CTDSPL: variants seen among roughly 807,000 people sequenced by gnomAD.
The protein encoded by CTDSPL is CTD small phosphatase like.
A neutral mutation model predicts 30.5 loss-of-function variants in CTDSPL; 8 were observed. The ratio of observed to expected loss-of-function variants is 0.26; its 90% CI spans 0.15 to 0.47. The LOEUF (loss-of-function observed/expected upper bound fraction) is 0.47. CTDSPL is among the 20% of genes least tolerant of loss of function. The pLI, the probability that CTDSPL is intolerant of heterozygous loss-of-function variation, is 0.99. For synonymous variants in CTDSPL, 110 were observed against 137.9 expected (o/e 0.80, Z 1.42); for missense variants, 248 against 366.1 (o/e 0.68, Z 2.63).
At chr3:37,978,471 C>T (rs974699690) in intron 7 of CTDSPL, among the ~76,000 whole-genome samples, 5 of 152,126 alleles carry the variant, frequency 3.3e-5, no homozygotes, top group African/African-American at 1.2e-4. Flanking sequence ...TTATGTACAG[C>T]TTATACACAT....
chr3:37,975,248 G>A lies in CTDSPL; in HGVS notation c.520-461G>A, dbSNP rs557020633. 1.3e-5 allele frequency among the ~76,000 whole-genome samples: 2 copies of A among 152,322 alleles called. No individual in the cohort carries two copies. Among genetic ancestry groups the A allele is most frequent in the African/African-American group, 2.4e-5 (1 of 41,566 alleles). On this transcript the variant is annotated intron_variant, in intron 6 of 7. Coordinates refer to ENST00000273179, the MANE Select transcript of CTDSPL (RefSeq NM_001008392.2). This position sits in a 1 kb window ranked among gnomAD's most constrained non-coding sequence, Gnocchi z 4.9. ...CATGTGGGACGCAGCAGTGAGGAAC[G>A]TGGGCCTTACTCCAAGTGCGGTGTG...
intron 1 of CTDSPL, among the ~76,000 whole-genome samples, chr3:37,918,888 C>T (rs934167664): frequency 6.6e-6 from 1 of 152,036 alleles, no homozygotes; most frequent in Non-Finnish European, 1.5e-5. Flanking sequence ...ACAGGCCCTG[C>T]AGCATAAGAA....
intron 3 of CTDSPL, among the ~76,000 whole-genome samples, chr3:37,961,504 T>C (rs1699244713): frequency 6.6e-6 from 1 of 152,040 alleles, no homozygotes; most frequent in Non-Finnish European, 1.5e-5. Flanking sequence ...CTCACAAACA[T>C]GAGGCTGGCA....
chr3:37,934,884 C>T (rs1047585448), intron 1 of CTDSPL, among the ~76,000 whole-genome samples: 51 of 152,286 alleles, frequency 3.3e-4, no homozygotes, highest in African/African-American at 8.4e-4. Context: ...TTTATACCAA[C>T]GTGTTTCTAG....
chr3:37,862,296 C>A lies in CTDSPL; in HGVS notation c.79+18C>A. 1 of 1,480,002 alleles carries A rather than the reference C, an allele frequency of 6.8e-7. No homozygotes were observed. Among genetic ancestry groups the A allele is most frequent in the South Asian group, 1.3e-5 (1 of 77,374 alleles). 91.7% of individuals were successfully genotyped at this position (1,480,002 alleles called of 1,614,324 possible). ...CGAGAAAGGTGAGGAGGGGCGCAGGCGGCCGCGGGCTGGGGGCGAGCGCAC... is the reference window on the plus strand; with the variant it reads ...CGAGAAAGGTGAGGAGGGGCGCAGGAGGCCGCGGGCTGGGGGCGAGCGCAC... On this transcript the variant is annotated intron_variant, in intron 1 of 7. Coordinates refer to ENST00000273179, the MANE Select transcript of CTDSPL (RefSeq NM_001008392.2). This position sits in a 1 kb window ranked among gnomAD's most constrained non-coding sequence, Gnocchi z 4.3.
At chr3:37,909,473 G>A (rs1045952802) in intron 1 of CTDSPL, among the ~76,000 whole-genome samples, 8 of 152,190 alleles carry the variant, frequency 5.3e-5, no homozygotes, top group Non-Finnish European at 1.0e-4. Flanking sequence ...GGCCTGCCCC[G>A]CACTGCCCTG....
chr3:37,942,963 G>C (rs1332545334), intron 1 of CTDSPL, among the ~76,000 whole-genome samples: 3 of 150,458 alleles, frequency 2.0e-5, no homozygotes, highest in African/African-American at 7.3e-5. Context: ...AAGTCAAAAA[G>C]CAACTGTAGT....
At chr3:37,911,760 A>C (rs1340501083) in intron 1 of CTDSPL, 1 of 456,150 alleles carries the variant, frequency 2.2e-6, no homozygotes, top group Non-Finnish European at 4.4e-6. Context: ...AACCCTCGCT[A>C]AAGAGAGAAG....
At chr3:37,925,248 A>C (rs534184327) in intron 1 of CTDSPL, among the ~76,000 whole-genome samples, 65 of 152,090 alleles carry the variant, frequency 4.3e-4, no homozygotes, top group African/African-American at 1.5e-3. Context: ...TCTTTCCCTC[A>C]ATGTCTAGTG....
At position 37,877,410 on chromosome 3, in the gene CTDSPL, T is replaced by C. The variant is rs1279223131; in HGVS notation, c.79+15132T>C. Among the ~76,000 whole-genome samples, 3 of 152,224 alleles carry C rather than the reference T, an allele frequency of 2.0e-5. No individual in the cohort carries two copies. In the East Asian group the frequency reaches 5.8e-4, roughly 29 times the overall value. On this transcript the variant is annotated intron_variant, in intron 1 of 7. Transcript: ENST00000273179. The stretch of plus-strand genomic sequence containing the variant: ...GCATACTGCCCTCAAGGTTCATCCA[T>C]GTTGTATCATGTGTTAGAATTATCT...
At chr3:37,960,535 T>TATATACACAC (rs1327299412) in intron 3 of CTDSPL, among the ~76,000 whole-genome samples, 54 of 16,280 alleles carry the variant, frequency 3.3e-3, no homozygotes, top group Non-Finnish European at 4.5e-3. Flanking sequence ...TATATATATA[T>TATATACACAC]ACACACACAC....
intron 1 of CTDSPL, among the ~76,000 whole-genome samples, chr3:37,884,321 A>G (rs1054747925): frequency 6.6e-6 from 1 of 152,232 alleles, no homozygotes; most frequent in Non-Finnish European, 1.5e-5. Flanking sequence ...TATACAGTGT[A>G]GGCTCTTCTG....
intron 1 of CTDSPL, among the ~76,000 whole-genome samples, chr3:37,925,260 A>G (rs1698768407): frequency 6.6e-6 from 1 of 152,172 alleles, no homozygotes; most frequent in South Asian, 2.1e-4. Flanking sequence ...TGTCTAGTGC[A>G]AAGGAGGTAC....
chr3:37,914,082 C>T (rs961255773), intron 1 of CTDSPL, among the ~76,000 whole-genome samples: 1 of 152,148 alleles, frequency 6.6e-6, no homozygotes, highest in East Asian at 1.9e-4. Context: ...GTATATCCCT[C>T]CATTTATTTA....
At chr3:37,978,645 C>T (rs553736916) in intron 7 of CTDSPL, among the ~76,000 whole-genome samples, 3 of 152,234 alleles carry the variant, frequency 2.0e-5, no homozygotes, top group South Asian at 2.1e-4. Flanking sequence ...TGAGGCATTT[C>T]GGGACTCAGA....
In CTDSPL at chr3:37,957,818, C is replaced by T. The variant is rs75714153; in HGVS notation, c.267+675C>T. ...TCAGCCATCCGCTGTCCTGGCTGTC[C>T]CTTCTCTTCCTCCTGCTCTGCCAGC... On this transcript the variant is annotated intron_variant, in intron 3 of 7. Coordinates refer to ENST00000273179, the MANE Select transcript of CTDSPL (RefSeq NM_001008392.2). Among the ~76,000 whole-genome samples, 10 of 152,324 alleles carry T rather than the reference C, an allele frequency of 6.6e-5. No individual in the cohort carries two copies. The East Asian group carries it at 1.9e-3, about 29-fold the overall frequency.
chr3:37,957,479 A>C (rs935515651), intron 3 of CTDSPL, among the ~76,000 whole-genome samples: 1 of 151,874 alleles, frequency 6.6e-6, no homozygotes, highest in East Asian at 1.9e-4. Context: ...CTTAGCCTCA[A>C]CTCCATAGAT....
intron 1 of CTDSPL, among the ~76,000 whole-genome samples, chr3:37,921,959 C>T (rs1034014758): frequency 6.6e-6 from 1 of 152,140 alleles, no homozygotes; most frequent in East Asian, 1.9e-4. Flanking sequence ...TAGGGCCAGG[C>T]GCGGTGGCTC....
Position 37,889,103 on chromosome 3 carries a change from C to T in CTDSPL, c.79+26825C>T, listed in dbSNP as rs570221162. Among the ~76,000 whole-genome samples, 51 of 152,284 alleles carry T rather than the reference C, an allele frequency of 3.3e-4. 1 individual carries two copies. Among genetic ancestry groups the T allele is most frequent in the Admixed American group, 1.1e-3 (17 of 15,300 alleles). On this transcript the variant is annotated intron_variant, in intron 1 of 7. Coordinates refer to ENST00000273179, the MANE Select transcript of CTDSPL (RefSeq NM_001008392.2). ...CTTTTTATTGCTGCCTGTCCAAGCA[C>T]CATGGGAGATCAGAATGTTAGCTTG...
Sources: allele counts gnomAD v4.1 joint callset (sites outside exome capture counted in the v4.1 genomes callset), GRCh38; gene constraint gnomAD v4.1.1; non-coding constraint Gnocchi (gnomAD v3.1); transcripts MANE v1.5; gene names NCBI Gene and HGNC (gene_info 2026-07-23, HGNC 2026-07-21).